The following NEB variants were observed in gnomAD, a reference collection of about 807,000 sequenced individuals.
NEB encodes nemaline myopathy type 2.
Under a neutral mutation model 952.2 loss-of-function variants are expected in NEB, and 512 were observed. The ratio of observed to expected loss-of-function variants is 0.54; its 90% CI spans 0.50 to 0.58. The LOEUF is 0.58. Ranked by LOEUF, NEB falls within the 20% of genes least tolerant of loss-of-function variation. The pLI is 0.00. For synonymous variants in NEB, 2,900 were observed against 3,149.8 expected, an observed-to-expected ratio of 0.92 and a Z score of 2.66; for missense variants, 8,428 against 9,231.1, an observed-to-expected ratio of 0.91 and a Z score of 3.56.
chr2:151,698,217 T>C (rs1431653744), intron 13 of NEB, among the ~76,000 whole-genome samples: 4 of 148,204 alleles, frequency 2.7e-5, no homozygotes, highest in Non-Finnish European at 6.1e-5. Context: ...TTTTTCTTTC[T>C]TTTTTTTGTA....
At position 151,570,146 on chromosome 2, in the gene NEB, A is replaced by C; in HGVS notation, c.17365T>G (p.Trp5789Gly). Residue 5789 changes from tryptophan (W) to glycine (G), a missense_variant, in exon 109 of 182, where the codon TGG becomes GGG. Trp to Gly is a radical substitution (Grantham distance 184). This residue lies in a region of NEB where 3,374 missense variants were observed against 3,651.5 expected (regional missense o/e 0.92). Coordinates refer to ENST00000397345, the MANE Select transcript of NEB (RefSeq NM_001164508.2). ...TCGTTCTGGTCGGGCATGCAGGTCC[A>C]CTGGTGCAGGTAATTGCGGTAATCC... Reference protein sequence around the residue: ...DMDYRNYLHQWTCMPDQNDVI... With the variant: ...DMDYRNYLHQGTCMPDQNDVI... The C allele has an allele frequency of 6.2e-7, 1 of 1,613,366 alleles. No homozygotes were observed. Among genetic ancestry groups the C allele is most frequent in the Non-Finnish European group, 8.5e-7 (1 of 1,179,656 alleles).
intron 60 of NEB, among the ~76,000 whole-genome samples, chr2:151,640,915 G>A (rs1476878191): frequency 6.6e-6 from 1 of 151,906 alleles, no homozygotes; most frequent in Non-Finnish European, 1.5e-5. Flanking sequence ...AAGTCATTCT[G>A]TTAGAATTTA....
At chr2:151,549,797 A>G in intron 129 of NEB, 57 bp from the exon 130 acceptor site, 2 of 1,006,840 alleles carry the variant, frequency 2.0e-6, no homozygotes, top group Admixed American at 2.0e-5. Flanking sequence ...AACTGATCTG[A>G]GCTTAACAAA....
intron 24 of NEB, chr2:151,689,996 G>A (rs1327523335): frequency 1.3e-5 from 2 of 152,236 alleles, no homozygotes; most frequent in Non-Finnish European, 2.9e-5. Context: ...CTAGGACTTA[G>A]CTATGTTAGC....
chr2:151,549,074 A>T (rs992355213), intron 130 of NEB, among the ~76,000 whole-genome samples: 7 of 152,200 alleles, frequency 4.6e-5, no homozygotes, highest in African/African-American at 1.7e-4. Context: ...GAAGGGCAAC[A>T]TGAGGGTCAT....
intron 10 of NEB, 36 bp downstream of exon 10, chr2:151,717,380 T>C: frequency 7.5e-7 from 1 of 1,335,608 alleles, no homozygotes; most frequent in Non-Finnish European, 1.1e-6. Flanking sequence ...AAGCAGAGTC[T>C]TCAAGGGAGG....
Position 151,567,359 on chromosome 2 carries a change from A to G in NEB, c.17965T>C (p.Tyr5989His), listed in dbSNP as rs752113075. Residue 5989 changes from tyrosine to histidine, a missense_variant, in exon 114 of 182, where the codon TAC becomes CAC. Coordinates refer to ENST00000397345, the MANE Select transcript of NEB (RefSeq NM_001164508.2). ...HAGQIQNERLYKEDYHKTKAK... is the reference protein window; with the variant it reads ...HAGQIQNERLHKEDYHKTKAK... ...TTTGTTTTGTGATAGTCCTCTTTGT[A>G]TAGTCTCTCATTCTGAATCTGGCCT... is the stretch of plus-strand genomic sequence containing the variant. 1.1e-5 allele frequency: 18 copies of G among 1,613,874 alleles called. No homozygotes were observed. The highest frequency in any genetic ancestry group is 1.3e-5 in the Non-Finnish European group (15 of 1,179,842).
Position 151,650,251 on chromosome 2 carries a change from G to C in NEB, c.7356C>G (p.Asp2452Glu). ...ISEKKYRQPP[D>E]RNKFTSIPDA... Reference sequence around the variant, plus strand: ...CAGGAATGCTGGTGAACTTGTTTCTGTCTGGAGGCTGACGATATTTCTTCT... The same window carrying C: ...CAGGAATGCTGGTGAACTTGTTTCTCTCTGGAGGCTGACGATATTTCTTCT... The change falls in exon 54 of 182, where the codon GAC becomes GAG. Residue 2452 changes from aspartate (D) to glutamate (E), a missense_variant. By Grantham distance (45) the Asp-to-Glu change is conservative. Transcript: ENST00000397345. 6.2e-7 allele frequency: 1 copy of C among 1,613,890 alleles called. No individual in the cohort carries two copies. The highest frequency in any genetic ancestry group is 1.3e-5 in the African/African-American group (1 of 75,026).
chr2:151,614,897 T>C (rs2098139477), intron 76 of NEB, among the ~76,000 whole-genome samples: 1 of 152,204 alleles, frequency 6.6e-6, no homozygotes, highest in Admixed American at 6.5e-5. Flanking sequence ...GAGGTAAATA[T>C]ATTGTACAAT....
At chr2:151,497,488 A>G in intron 171 of NEB, 138 bp downstream of exon 171, 1 of 1,473,122 alleles carries the variant, frequency 6.8e-7, no homozygotes, top group Non-Finnish European at 8.9e-7. Context: ...AGCCCAAAGG[A>G]AAAAAGGATA....
rs1131691534 is a variant in NEB at position 151,612,370 on chromosome 2, A to G, written c.11621T>C (p.Leu3874Pro). 4.3e-6 allele frequency: 7 copies of G among 1,613,752 alleles called. No individual in the cohort carries two copies. The highest frequency in any genetic ancestry group is 5.9e-6 in the Non-Finnish European group (7 of 1,179,758). Residue 3874 changes from leucine (L) to proline (P), a missense_variant, in exon 78 of 182, where the codon CTT (leucine) becomes CCT (proline). Physicochemically the swap from Leu to Pro is moderately conservative, Grantham distance 98. This residue lies in a region of NEB where 337 missense variants were observed against 297.5 expected (regional missense o/e 1.13). Transcript: ENST00000397345. ...CCATCCTATGCCTCTCAGCCACTCA[A>G]GATCAGATTTGTAAATAGCCTGAAA... ...LQSDAIYKSD[L>P]EWLRGIGWVP...
At chr2:151,489,505 C>T (rs907870317) in intron 181 of NEB, among the ~76,000 whole-genome samples, 5 of 152,122 alleles carry the variant, frequency 3.3e-5, no homozygotes, top group African/African-American at 9.7e-5. Context: ...CTCAAGCAAT[C>T]CTCCCACCTC....
intron 153 of NEB, among the ~76,000 whole-genome samples, chr2:151,522,881 C>A (rs1245569256): frequency 6.6e-6 from 1 of 152,190 alleles, no homozygotes; most frequent in African/African-American, 2.4e-5. Flanking sequence ...GGAAAGCCCA[C>A]ACACAGCTGA....
At chr2:151,690,948 T>C in intron 23 of NEB, 123 bp from the exon 24 acceptor site, 1 of 697,548 alleles carries the variant, frequency 1.4e-6, no homozygotes, top group Non-Finnish European at 2.5e-6. Context: ...AGTTGATGCG[T>C]TTATATTCTC....
chr2:151,567,166 A>G lies in NEB; in HGVS notation c.18156+2T>C. 1 of 1,577,152 alleles carries G rather than the reference A, an allele frequency of 6.3e-7. No homozygotes were observed. Among genetic ancestry groups the G allele is most frequent in the Non-Finnish European group, 8.6e-7 (1 of 1,159,588 alleles). On this transcript the variant is annotated splice_donor_variant, in intron 114 of 181. Transcript: ENST00000397345. LOFTEE classifies it high-confidence loss of function. ...GATAATGAAGAAACAAAAATCACTT[A>G]CATCACTCTGTAGGTCATAGGCCTT...
At chr2:151,696,804 G>A in intron 16 of NEB, 69 bp from the exon 17 acceptor site, 1 of 1,136,664 alleles carries the variant, frequency 8.8e-7, no homozygotes, top group Non-Finnish European at 1.3e-6. Context: ...CACAGGCCAA[G>A]CAAATAGAAC....
Position 151,498,327 on chromosome 2 carries a change from G to C in NEB, c.24140C>G (p.Thr8047Arg). ...SSVLYKENLG[T>R]GIPIPITPEM... Reference sequence around the variant, plus strand: ...AGGAGTGATGGGGATTGGAATTCCTGTCCCCAGGTTTTCTTTGTATAGCAC... The same window carrying C: ...AGGAGTGATGGGGATTGGAATTCCTCTCCCCAGGTTTTCTTTGTATAGCAC... The change falls in exon 170 of 182, where the codon ACA becomes AGA. Residue 8047 changes from threonine (T) to arginine (R), a missense_variant. By Grantham distance (71) the Thr-to-Arg change is moderately conservative. Around this residue, in one of 11 missense-constraint regions of NEB, gnomAD observed 3,374 missense variants for 3,651.5 expected, o/e 0.92. Transcript: ENST00000397345. The C allele has an allele frequency of 2.6e-6, 4 of 1,550,800 alleles. No individual in the cohort carries two copies. Among genetic ancestry groups the C allele is most frequent in the East Asian group, 2.4e-5 (1 of 40,902 alleles).
chr2:151,528,004 A>T (rs1253486253), intron 146 of NEB, among the ~76,000 whole-genome samples: 1 of 152,242 alleles, frequency 6.6e-6, no homozygotes, highest in Non-Finnish European at 1.5e-5. Flanking sequence ...AATTAAATGA[A>T]TTATAAAATT....
At position 151,642,677 on chromosome 2, in the gene NEB, A is replaced by G; in HGVS notation, c.8270T>C (p.Leu2757Ser). 2 of 1,613,470 alleles carry G rather than the reference A, an allele frequency of 1.2e-6. No homozygotes were observed. The highest frequency in any genetic ancestry group is 1.1e-5 in the South Asian group (1 of 90,968). ...KQNKVNYSEK[L>S]YKLGLEEAKR... ...GGCTTCTTCTAGGCCAAGCTTATAC[A>G]ATTTCTAAAATAGACATTAATAGTA... Residue 2757 changes from leucine to serine, a missense_variant, in exon 60 of 182, where the codon TTG becomes TCG. Leu to Ser is a moderately radical substitution (Grantham distance 145, BLOSUM62 -2). This residue lies in a region of NEB where 1,772 missense variants were observed against 1,960.3 expected (regional missense o/e 0.90). Coordinates refer to ENST00000397345, the MANE Select transcript of NEB (RefSeq NM_001164508.2).
Sources: allele counts gnomAD v4.1 joint callset (sites outside exome capture counted in the v4.1 genomes callset), GRCh38; gene constraint gnomAD v4.1.1; regional missense constraint gnomAD v4.1.1; transcripts MANE v1.5; gene names NCBI Gene and HGNC (gene_info 2026-07-23, HGNC 2026-07-21).